Variants in SNAP25 observed in about 807,000 individuals in gnomAD.
SNAP25 encodes the protein synaptosome associated protein 25.
In SNAP25, 3 loss-of-function variants were observed where a neutral mutation model predicts 28.7. That is an observed-to-expected ratio of 0.10 (90% CI 0.05 to 0.27). The LOEUF (loss-of-function observed/expected upper bound fraction) is 0.27. SNAP25 is among the 10% of genes least tolerant of loss of function. The pLI is 1.00. For synonymous variants in SNAP25, 61 were observed against 88.1 expected (o/e 0.69, Z 1.72); for missense variants, 117 against 278.7 (o/e 0.42, Z 4.13).
intron 4 of SNAP25, among the ~76,000 whole-genome samples, chr20:10,291,976 G>A (rs2064008124): frequency 6.6e-6 from 1 of 152,120 alleles, no homozygotes; most frequent in African/African-American, 2.4e-5. Flanking sequence ...TGTAACCTTG[G>A]CAACCTAGAA....
chr20:10,266,021 C>G (rs1323447327), intron 1 of SNAP25, among the ~76,000 whole-genome samples: 1 of 152,054 alleles, frequency 6.6e-6, no homozygotes, highest in Non-Finnish European at 1.5e-5. Context: ...TAGTTTGATT[C>G]CTATCACATT....
intron 1 of SNAP25, among the ~76,000 whole-genome samples, chr20:10,269,999 A>T (rs192061511): frequency 1.6e-3 from 242 of 152,326 alleles, no homozygotes; most frequent in African/African-American, 5.3e-3. Context: ...TACGCCTGTC[A>T]TCCCAGCACT....
intron 1 of SNAP25, among the ~76,000 whole-genome samples, chr20:10,252,365 G>A (rs1018863929): frequency 6.6e-6 from 1 of 152,134 alleles, no homozygotes; most frequent in Non-Finnish European, 1.5e-5. Flanking sequence ...TGCCCTCCAG[G>A]CCATACAACT....
At chr20:10,297,143 A>G (rs2123144585) in intron 6 of SNAP25, 93 bp downstream of exon 6, 1 of 1,402,002 alleles carries the variant, frequency 7.1e-7, no homozygotes, top group Non-Finnish European at 9.4e-7. Flanking sequence ...CAACCATTTT[A>G]TTGCTCATTA....
At chr20:10,284,556 T>G (rs193035457) in intron 3 of SNAP25, among the ~76,000 whole-genome samples, 168 bp from the exon 4 acceptor site, 232 of 152,300 alleles carry the variant, frequency 1.5e-3, no homozygotes, top group Non-Finnish European at 2.4e-3. Context: ...TGGCCCATTC[T>G]TCTATCCCTC....
chr20:10,281,641 C>T (rs1600746488), intron 3 of SNAP25, among the ~76,000 whole-genome samples: 3 of 152,308 alleles, frequency 2.0e-5, no homozygotes, highest in Admixed American at 2.0e-4. Flanking sequence ...CCCAGGTCTA[C>T]CTGATTTCAG....
chr20:10,245,140 G>T, intron 1 of SNAP25, among the ~76,000 whole-genome samples: 1 of 152,160 alleles, frequency 6.6e-6, no homozygotes, highest in East Asian at 1.9e-4. Flanking sequence ...TCCCAGTCTA[G>T]TGTGGCATCC....
chr20:10,248,207 A>G (rs868209507), intron 1 of SNAP25, among the ~76,000 whole-genome samples: 18 of 152,250 alleles, frequency 1.2e-4, no homozygotes, highest in South Asian at 1.0e-3. Context: ...AACAAAAAGT[A>G]TACTTGGCTT....
intron 3 of SNAP25, 149 bp downstream of exon 3, chr20:10,277,875 C>A: frequency 1.4e-6 from 1 of 713,736 alleles, no homozygotes; most frequent in Admixed American, 2.6e-5. Flanking sequence ...GAGGGAGATG[C>A]TGTATTTAAG....
At chr20:10,258,090 C>T (rs762840486) in intron 1 of SNAP25, among the ~76,000 whole-genome samples, 3 of 152,120 alleles carry the variant, frequency 2.0e-5, no homozygotes, top group Non-Finnish European at 4.4e-5. Flanking sequence ...CTTTCTTTGA[C>T]GTACTATTAA....
intron 7 of SNAP25, 32 bp downstream of exon 7, chr20:10,299,444 G>A: frequency 1.9e-6 from 3 of 1,602,664 alleles, no homozygotes; most frequent in Non-Finnish European, 1.7e-6. Flanking sequence ...AGTCCCTACT[G>A]CGAGTCACTT....
In SNAP25 at chr20:10,270,122, G is replaced by A. The variant is rs537939409; in HGVS notation, c.-63-5307G>A. Among the ~76,000 whole-genome samples, 10 of 152,124 alleles carry A rather than the reference G, an allele frequency of 6.6e-5. No homozygotes were observed. The East Asian group carries it at 1.9e-3, about 30-fold the overall frequency. ...TACAAAATTAGCCTGGCGTGGTGGTGCATGCCTGTAATCCCAGCTACTTGG... is the reference window on the plus strand; with the variant it reads ...TACAAAATTAGCCTGGCGTGGTGGTACATGCCTGTAATCCCAGCTACTTGG... On this transcript the variant is annotated intron_variant, in intron 1 of 7. Coordinates refer to ENST00000254976, the MANE Select transcript of SNAP25 (RefSeq NM_130811.4).
chr20:10,241,664 A>C (rs1322802516), intron 1 of SNAP25, among the ~76,000 whole-genome samples: 1 of 152,160 alleles, frequency 6.6e-6, no homozygotes, highest in Non-Finnish European at 1.5e-5. Flanking sequence ...AGAACGGCCA[A>C]TCATGAGATG....
intron 3 of SNAP25, among the ~76,000 whole-genome samples, chr20:10,283,922 C>T (rs2063826637): frequency 6.6e-6 from 1 of 152,106 alleles, no homozygotes; most frequent in Admixed American, 6.6e-5. Flanking sequence ...CTGTCCTGAC[C>T]ACCAACTCCT....
chr20:10,255,627 C>T (rs1247800256), intron 1 of SNAP25, among the ~76,000 whole-genome samples: 3 of 152,118 alleles, frequency 2.0e-5, no homozygotes, highest in Admixed American at 6.5e-5. Flanking sequence ...TGAAGTACAA[C>T]TCATTAAAAA....
At chr20:10,237,862 T>C (rs958639027) in intron 1 of SNAP25, among the ~76,000 whole-genome samples, 2 of 152,142 alleles carry the variant, frequency 1.3e-5, no homozygotes, top group African/African-American at 4.8e-5. Flanking sequence ...GTGAGGAGTA[T>C]TTTCTCCTGC....
intron 1 of SNAP25, among the ~76,000 whole-genome samples, chr20:10,246,708 T>G (rs186048486): frequency 2.6e-5 from 4 of 152,286 alleles, no homozygotes; most frequent in Non-Finnish European, 5.9e-5. Flanking sequence ...AGAATAGATG[T>G]GCCCTTCAAG....
chr20:10,244,871 C>T (rs1259801376), intron 1 of SNAP25, among the ~76,000 whole-genome samples: 1 of 151,944 alleles, frequency 6.6e-6, no homozygotes, highest in African/African-American at 2.4e-5. Context: ...GCTGGGATTA[C>T]AGGCACGCGC....
intron 1 of SNAP25, among the ~76,000 whole-genome samples, chr20:10,236,126 C>T (rs1167284971): frequency 6.6e-6 from 1 of 152,212 alleles, no homozygotes; most frequent in Non-Finnish European, 1.5e-5. Context: ...GCCCATCCAT[C>T]CTGTGGCTAC....
Sources: allele counts gnomAD v4.1 joint callset (sites outside exome capture counted in the v4.1 genomes callset), GRCh38; gene constraint gnomAD v4.1.1; transcripts MANE v1.5; gene names NCBI Gene and HGNC (gene_info 2026-07-23, HGNC 2026-07-21).